GCLC: variants seen among roughly 807,000 people sequenced by gnomAD.
GCLC encodes the protein glutamate--cysteine ligase catalytic subunit.
A neutral mutation model predicts 81.5 loss-of-function variants in GCLC; 30 were observed. The ratio of observed to expected loss-of-function variants is 0.37; its 90% CI spans 0.28 to 0.50. The LOEUF is 0.50. Among genes scored for constraint, GCLC ranks in the 20% least tolerant of loss-of-function variants. The pLI is 0.96. For missense variants in GCLC, 556 were observed against 777.4 expected (o/e 0.72, Z 3.39); for synonymous variants, 262 against 273.3 (o/e 0.96, Z 0.41).
intron 1 of GCLC, among the ~76,000 whole-genome samples, chr6:53,540,914 A>T (rs1758923701): frequency 6.6e-6 from 1 of 152,202 alleles, no homozygotes; most frequent in African/African-American, 2.4e-5. Context: ...CTCTCTGCAT[A>T]TAAGAGATGT....
At chr6:53,528,825 T>G (rs1349318954) in intron 1 of GCLC, among the ~76,000 whole-genome samples, 2 of 152,206 alleles carry the variant, frequency 1.3e-5, no homozygotes, top group African/African-American at 4.8e-5. Context: ...GTGGAGTAAC[T>G]TTCTCAATAT....
chr6:53,538,468 A>T (rs1440266786), intron 1 of GCLC, among the ~76,000 whole-genome samples: 2 of 151,990 alleles, frequency 1.3e-5, no homozygotes, highest in South Asian at 2.1e-4. Flanking sequence ...CTGGGACTAC[A>T]GGTGCTCGCC....
chr6:53,514,378 C>T (rs1764821468), intron 5 of GCLC, 41 bp from the exon 6 acceptor site: 1 of 1,589,874 alleles, frequency 6.3e-7, no homozygotes, highest in Admixed American at 1.7e-5. Context: ...GTTTAGAATC[C>T]AGGATTAAAC....
At chr6:53,526,928 G>A (rs1253396600) in intron 1 of GCLC, among the ~76,000 whole-genome samples, 1 of 152,112 alleles carries the variant, frequency 6.6e-6, no homozygotes, top group Non-Finnish European at 1.5e-5. Context: ...AATACTCAGA[G>A]CAGTTACAGG....
chr6:53,500,177 AGGACACTTTATGAACTCCCTGCCGGGG>A lies in GCLC; in HGVS notation c.1582-39_1582-13del. 1.2e-6 allele frequency: 2 copies of A among 1,614,086 alleles called. No homozygotes were observed. The highest frequency in any genetic ancestry group is 1.7e-6 in the Non-Finnish European group (2 of 1,179,924). On this transcript the variant is annotated splice_polypyrimidine_tract_variant and intron_variant, in intron 14 of 15. Coordinates refer to ENST00000650454, the MANE Select transcript of GCLC (RefSeq NM_001498.4). The stretch of plus-strand genomic sequence containing the variant: ...GGAAACACACCTTCCTACAAGAAGC[AGGACACTTTATGAACTCCCTGCCGGGG>A]GATGTGCACAGTGAGGGGTACTGTA...
At chr6:53,530,920 T>C (rs1028476513) in intron 1 of GCLC, among the ~76,000 whole-genome samples, 4 of 152,216 alleles carry the variant, frequency 2.6e-5, no homozygotes, top group African/African-American at 4.8e-5. Flanking sequence ...ATTAAAACTG[T>C]CACAGAGCTC....
At chr6:53,540,321 TCAAAAAAGAAAAAAAAAAAG>T in intron 1 of GCLC, among the ~76,000 whole-genome samples, 1 of 79,906 alleles carries the variant, frequency 1.3e-5, no homozygotes, top group South Asian at 4.4e-4. Context: ...TTATTCAGCC[TCAAAAAAGAAAAAAAAAAAG>T]AAAATCCTAC....
chr6:53,516,449 T>G (rs1581736929), intron 3 of GCLC, among the ~76,000 whole-genome samples: 1 of 152,158 alleles, frequency 6.6e-6, no homozygotes, highest in East Asian at 1.9e-4. Context: ...CACTACTAAC[T>G]TTATCCAAGT....
chr6:53,506,766 G>A lies in GCLC; in HGVS notation c.1197+147C>T, dbSNP rs533787911. On this transcript the variant is annotated intron_variant, in intron 10 of 15. Coordinates refer to ENST00000650454, the MANE Select transcript of GCLC (RefSeq NM_001498.4). The surrounding 1 kb of genome is among the most constrained non-coding windows in gnomAD (Gnocchi z 4.0). ...TCTTTACTGCACTGGGTAAATGAAA[G>A]TCTTATGAAATTTCTTTTGTGTTCT... 20 of 655,330 alleles carry A rather than the reference G, an allele frequency of 3.1e-5. No homozygotes were observed. Among genetic ancestry groups the A allele is most frequent in the Non-Finnish European group, 4.4e-5 (16 of 361,650 alleles). 40.6% of individuals were successfully genotyped at this position (655,330 alleles called of 1,614,324 possible). A position where few individuals can be genotyped will look rare whatever the true frequency, so the allele number is the denominator to read the frequency against.
At chr6:53,543,831 C>A (rs780811939) in intron 1 of GCLC, among the ~76,000 whole-genome samples, 1 of 152,152 alleles carries the variant, frequency 6.6e-6, no homozygotes, top group Non-Finnish European at 1.5e-5. Context: ...GGACCTAGGC[C>A]ATGGAAAGAC....
chr6:53,530,161 T>C (rs1763147894), intron 1 of GCLC, among the ~76,000 whole-genome samples: 3 of 152,222 alleles, frequency 2.0e-5, no homozygotes. Context: ...CCAAAGTGAC[T>C]GCTAGTGCTC....
At chr6:53,517,121 C>CTG in intron 3 of GCLC, among the ~76,000 whole-genome samples, 1 of 133,700 alleles carries the variant, frequency 7.5e-6, no homozygotes, top group South Asian at 2.4e-4. Context: ...GGGTCTTGCT[C>CTG]TGTCTCCCAG....
chr6:53,522,663 G>A, intron 1 of GCLC, 136 bp from the exon 2 acceptor site: 2 of 657,354 alleles, frequency 3.0e-6, no homozygotes, highest in Admixed American at 4.3e-5. Flanking sequence ...TTTGTTTACA[G>A]TACAGCACAT....
rs1406155835 is a variant in GCLC, at chr6:53,544,858, A to C, written c.-213T>G. On this transcript the variant is annotated 5_prime_UTR_variant, in exon 1 of 16. Coordinates refer to ENST00000650454, the MANE Select transcript of GCLC (RefSeq NM_001498.4). ...AGGTGACAGACCCTGGGTCCGACGC[A>C]CCGCGCGGAGGCGAAGGCAGAAGAC... 3 of 418,244 alleles carry C rather than the reference A, an allele frequency of 7.2e-6. No individual in the cohort carries two copies. Among genetic ancestry groups the C allele is most frequent in the African/African-American group, 6.4e-5 (3 of 47,202 alleles). 25.9% of individuals were successfully genotyped at this position (418,244 alleles called of 1,614,324 possible).
At chr6:53,516,077 G>A in intron 4 of GCLC, 32 bp downstream of exon 4, 1 of 1,197,016 alleles carries the variant, frequency 8.4e-7, no homozygotes, top group Admixed American at 1.7e-5. Flanking sequence ...CTAGTGAAGG[G>A]CATCTGCATT....
chr6:53,516,536 A>T (rs1382307909), intron 3 of GCLC, among the ~76,000 whole-genome samples: 1 of 152,210 alleles, frequency 6.6e-6, no homozygotes, highest in African/African-American at 2.4e-5. Flanking sequence ...GACTGATAGC[A>T]CAGAAGTCAT....
chr6:53,537,215 C>T (rs540142519), intron 1 of GCLC, among the ~76,000 whole-genome samples: 20 of 152,320 alleles, frequency 1.3e-4, no homozygotes, highest in Admixed American at 2.0e-4. Context: ...AGTGCTCTCC[C>T]CCTCTCTCTC....
intron 1 of GCLC, among the ~76,000 whole-genome samples, chr6:53,526,948 A>G (rs1397063361): frequency 6.6e-6 from 1 of 152,208 alleles, no homozygotes; most frequent in Non-Finnish European, 1.5e-5. Context: ...GCAGTTCCCC[A>G]TTTAGGGAGA....
At chr6:53,503,841 T>A (rs1045209202) in intron 12 of GCLC, among the ~76,000 whole-genome samples, 1 of 152,250 alleles carries the variant, frequency 6.6e-6, no homozygotes, top group Non-Finnish European at 1.5e-5. Context: ...AGGATTTCCA[T>A]AATTTCCATT....
Sources: gnomAD v4.1 joint callset for allele counts (sites outside exome capture counted in the v4.1 genomes callset) on GRCh38, gnomAD v4.1.1 for gene constraint, Gnocchi (gnomAD v3.1) non-coding constraint, MANE v1.5 for transcripts, NCBI Gene and HGNC (gene_info 2026-07-23, HGNC 2026-07-21) for gene names.